The following KIF15 variants were observed in gnomAD, a reference collection of about 807,000 sequenced individuals.
KIF15 encodes kinesin family member 15.
Under a neutral mutation model 190.6 loss-of-function variants are expected in KIF15, and 140 were observed. The observed-to-expected ratio is 0.73, with a 90% CI of 0.64 to 0.84. KIF15 has a LOEUF of 0.84. Ranked by LOEUF, KIF15 falls within the 40% of genes least tolerant of loss-of-function variation. The pLI is 0.00. For missense variants in KIF15, 1,372 were observed against 1,584.4 expected (o/e 0.87, Z 2.28); for synonymous variants, 528 against 551.3 (o/e 0.96, Z 0.59).
intron 29 of KIF15, among the ~76,000 whole-genome samples, 153 bp downstream of exon 29, chr3:44,841,391 A>AT (rs895947332): frequency 0.015 from 2,183 of 142,268 alleles, 21 homozygotes; most frequent in Non-Finnish European, 0.022. Context: ...AGTAAATTTA[A>AT]TTTTTTTTTT....
chr3:44,841,380 C>T (rs1698595201), intron 29 of KIF15, 142 bp downstream of exon 29: 2 of 571,672 alleles, frequency 3.5e-6, no homozygotes, highest in East Asian at 6.2e-5. Context: ...CATGCCCAGC[C>T]AGTAAATTTA....
intron 19 of KIF15, among the ~76,000 whole-genome samples, chr3:44,813,662 T>C (rs1434441428): frequency 6.6e-6 from 1 of 151,144 alleles, no homozygotes; most frequent in Non-Finnish European, 1.5e-5. Flanking sequence ...AGTCTTGCTT[T>C]GTCACCCAGG....
At chr3:44,829,510 C>CAT in intron 24 of KIF15, among the ~76,000 whole-genome samples, 1 of 37,138 alleles carries the variant, frequency 2.7e-5, no homozygotes, top group Middle Eastern at 0.017. Flanking sequence ...ATAATATACG[C>CAT]ATATATATTA....
chr3:44,788,712 C>CTCCCACTATAGG (rs1706527917), intron 7 of KIF15, among the ~76,000 whole-genome samples: 1 of 152,194 alleles, frequency 6.6e-6, no homozygotes, highest in Non-Finnish European at 1.5e-5. Context: ...TTGCCTCAGC[C>CTCCCACTATAGG]TCCCACTATA....
At chr3:44,824,091 C>T (rs989438831) in intron 20 of KIF15, among the ~76,000 whole-genome samples, 1 of 152,198 alleles carries the variant, frequency 6.6e-6, no homozygotes. Context: ...CCATCTTCTG[C>T]ATCGATCCCG....
chr3:44,853,538 T>TA (rs1699135662), downstream of KIF15, among the ~76,000 whole-genome samples: 1 of 152,240 alleles, frequency 6.6e-6, no homozygotes, highest in Non-Finnish European at 1.5e-5. Flanking sequence ...GGTGTGGACA[T>TA]ATATTTCATA....
At chr3:44,859,903 T>G (rs1699221202) in intron 6 of KIF15, among the ~76,000 whole-genome samples, 1 of 152,202 alleles carries the variant, frequency 6.6e-6, no homozygotes, top group Non-Finnish European at 1.5e-5. Flanking sequence ...AGGTGATGTG[T>G]GTACACAGGA....
intron 6 of KIF15, among the ~76,000 whole-genome samples, chr3:44,867,128 C>T (rs1486866620): frequency 1.3e-5 from 2 of 152,152 alleles, no homozygotes; most frequent in African/African-American, 2.4e-5. Context: ...AATAATTTGC[C>T]TGACATCACA....
downstream of KIF15, among the ~76,000 whole-genome samples, chr3:44,855,667 G>A (rs1490330338): frequency 1.3e-5 from 2 of 152,118 alleles, no homozygotes; most frequent in African/African-American, 4.8e-5. Context: ...AGATTTTGGG[G>A]TGAGGGGTGA....
chr3:44,787,238 C>T lies in KIF15; in HGVS notation c.639+664C>T, dbSNP rs562994778. On this transcript the variant is annotated intron_variant, in intron 7 of 34. Transcript: ENST00000326047. Reference sequence around the variant, plus strand: ...ATGCTATAAATAGGTAAATAGGATACCTGTCCTCCCTATCCCATATCCCTG... The same window carrying T: ...ATGCTATAAATAGGTAAATAGGATATCTGTCCTCCCTATCCCATATCCCTG... 1.3e-3 allele frequency among the ~76,000 whole-genome samples: 205 copies of T among 152,190 alleles called. 1 individual carries two copies. The highest frequency in any genetic ancestry group is 1.8e-3 in the Non-Finnish European group (120 of 68,012).
chr3:44,796,601 G>A (rs138976195), intron 8 of KIF15, among the ~76,000 whole-genome samples: 2 of 152,266 alleles, frequency 1.3e-5, no homozygotes, highest in East Asian at 3.9e-4. Context: ...TAACAGCAGT[G>A]ACTCTGAATT....
chr3:44,786,315 C>T lies in KIF15; in HGVS notation c.460-80C>T, dbSNP rs149402212. ...CATAGGAAATTTACATCTTGTGAAG[C>T]GAGTGCAAAATTAATGCTCATGAAA... On this transcript the variant is annotated intron_variant, in intron 6 of 34. Transcript: ENST00000326047. 49 of 1,156,192 alleles carry T rather than the reference C, an allele frequency of 4.2e-5. No homozygotes were observed. The East Asian group carries it at 4.8e-4, about 11-fold the overall frequency. The allele number at this position is 1,156,192 out of a possible 1,614,324, so 71.6% of individuals were successfully genotyped here. A position where few individuals can be genotyped will look rare whatever the true frequency, so the allele number is the denominator to read the frequency against.
chr3:44,835,843 A>G (rs72875766), intron 26 of KIF15, among the ~76,000 whole-genome samples: 1,775 of 152,348 alleles, frequency 0.012, 32 homozygotes, highest in African/African-American at 0.039. Flanking sequence ...ATTTGAAAAG[A>G]TATCAAAGCC....
At chr3:44,804,447 T>C (rs997411228) in intron 14 of KIF15, among the ~76,000 whole-genome samples, 2 of 152,234 alleles carry the variant, frequency 1.3e-5, no homozygotes, top group South Asian at 4.1e-4. Context: ...GCTATTTGTT[T>C]CCTTTTCTAA....
At chr3:44,860,320 T>C (rs1365363279) in intron 6 of KIF15, among the ~76,000 whole-genome samples, 1 of 152,182 alleles carries the variant, frequency 6.6e-6, no homozygotes, top group African/African-American at 2.4e-5. Context: ...TGAGCCTCAA[T>C]TTCCTCATCT....
chr3:44,817,118 T>C (rs1708064940), intron 20 of KIF15, among the ~76,000 whole-genome samples: 1 of 152,198 alleles, frequency 6.6e-6, no homozygotes, highest in Admixed American at 6.5e-5. Flanking sequence ...TTGTTTAAGT[T>C]CTTTGTAGAT....
chr3:44,761,814 G>T lies in KIF15; in HGVS notation c.-52G>T, dbSNP rs1203717595. 1 of 1,613,678 alleles carries T rather than the reference G, an allele frequency of 6.2e-7. No homozygotes were observed. The highest frequency in any genetic ancestry group is 8.5e-7 in the Non-Finnish European group (1 of 1,179,700). ...AATTCAGTCGCGCGCGGTGCAGTCG[G>T]GAGGTGGAGGCACCGGCTGCATTGT... On this transcript the variant is annotated 5_prime_UTR_variant, in exon 1 of 35. Coordinates refer to ENST00000326047, the MANE Select transcript of KIF15 (RefSeq NM_020242.3).
chr3:44,829,617 A>G (rs1260853905), intron 24 of KIF15, among the ~76,000 whole-genome samples: 1 of 131,816 alleles, frequency 7.6e-6, no homozygotes, highest in Non-Finnish European at 1.5e-5. Context: ...TATATTATAT[A>G]TGTATATACA....
chr3:44,864,150 G>C (rs1191387909), intron 6 of KIF15: 1 of 1,610,326 alleles, frequency 6.2e-7, no homozygotes, highest in Non-Finnish European at 8.5e-7. Context: ...GGGTCTGCAG[G>C]TTGCTGCCCA....
Sources: allele counts gnomAD v4.1 joint callset (sites outside exome capture counted in the v4.1 genomes callset), GRCh38; gene constraint gnomAD v4.1.1; transcripts MANE v1.5; gene names NCBI Gene and HGNC (gene_info 2026-07-23, HGNC 2026-07-21).